The following CFAP263 variants were observed in gnomAD, a reference collection of about 807,000 sequenced individuals.
CFAP263 encodes the protein cilia- and flagella-associated protein 263.
the CFAP263 span, among the ~76,000 whole-genome samples, chr16:58,260,993 A>G: frequency 6.6e-6 from 1 of 152,172 alleles, no homozygotes; most frequent in Non-Finnish European, 1.5e-5. Flanking sequence ...ATAGAAACAC[A>G]GTGCCCAGAC....
the CFAP263 span, chr16:58,283,327 A>G: frequency 2.0e-5 from 3 of 152,236 alleles, no homozygotes; most frequent in Non-Finnish European, 4.4e-5. Flanking sequence ...TGCAAGCATA[A>G]TTCTGTTCAA....
At chr16:58,279,580 G>A in the CFAP263 span, 3 of 857,578 alleles carry the variant, frequency 3.5e-6, no homozygotes, top group Admixed American at 2.6e-5. Flanking sequence ...GCACCATCAC[G>A]GGGCTGGATG....
the CFAP263 span, chr16:58,250,254 C>T: frequency 3.5e-6 from 2 of 565,112 alleles, no homozygotes; most frequent in African/African-American, 2.0e-5. Flanking sequence ...TTACTCCTTA[C>T]TCCACCACCA....
chr16:58,280,197 C>T, the CFAP263 span: 1,459 of 1,580,038 alleles, frequency 9.2e-4, 13 homozygotes, highest in African/African-American at 0.017. Flanking sequence ...TCAGTTTACT[C>T]TTCAGTTTGG....
chr16:58,278,640 G>A, the CFAP263 span: 1 of 1,613,828 alleles, frequency 6.2e-7, no homozygotes, highest in East Asian at 2.2e-5. Context: ...TAGCAGAGGT[G>A]AGCCACGGGG....
At chr16:58,279,901 G>A in the CFAP263 span, 2 of 788,304 alleles carry the variant, frequency 2.5e-6, no homozygotes, top group South Asian at 1.8e-5. Context: ...CACCCAGGCT[G>A]CGTATCATCT....
chr16:58,250,625 C>G, the CFAP263 span, among the ~76,000 whole-genome samples: 2 of 151,934 alleles, frequency 1.3e-5, no homozygotes, highest in African/African-American at 4.8e-5. Context: ...ATTAGCCAGG[C>G]GTGGTGGCGC....
the CFAP263 span, among the ~76,000 whole-genome samples, chr16:58,270,622 C>A: frequency 6.6e-6 from 1 of 151,978 alleles, no homozygotes; most frequent in African/African-American, 2.4e-5. Flanking sequence ...GATACAAGTC[C>A]AGTTTATCCA....
At chr16:58,278,978 AT>A in the CFAP263 span, among the ~76,000 whole-genome samples, 55 of 149,600 alleles carry the variant, frequency 3.7e-4, no homozygotes, top group Middle Eastern at 3.5e-3. Flanking sequence ...GGAGAAGTCC[AT>A]TTTTTTTTTA....
At chr16:58,267,842 A>G in the CFAP263 span, among the ~76,000 whole-genome samples, 2 of 152,182 alleles carry the variant, frequency 1.3e-5, no homozygotes, top group Non-Finnish European at 2.9e-5. Flanking sequence ...AGTCCAAATA[A>G]CATTTGGGAA....
At chr16:58,280,556 A>G in the CFAP263 span, 7 of 1,614,170 alleles carry the variant, frequency 4.3e-6, no homozygotes, top group Non-Finnish European at 5.9e-6. Context: ...TGGGAGAAAG[A>G]AATCAACTTT....
the CFAP263 span, among the ~76,000 whole-genome samples, chr16:58,251,643 C>T: frequency 2.0e-5 from 3 of 152,186 alleles, no homozygotes; most frequent in Non-Finnish European, 4.4e-5. Flanking sequence ...CCACCTGCCT[C>T]GGCTTCCCAA....
the CFAP263 span, chr16:58,278,531 C>A: frequency 6.2e-7 from 1 of 1,614,148 alleles, no homozygotes; most frequent in South Asian, 1.1e-5. Context: ...AAGCAGCTGG[C>A]CGAGTTCCGG....
chr16:58,268,062 A>ATAGAGAAT, the CFAP263 span, among the ~76,000 whole-genome samples: 1 of 150,838 alleles, frequency 6.6e-6, no homozygotes, highest in African/African-American at 2.4e-5. Context: ...AGAGAGAGAG[A>ATAGAGAAT]GGTCATAACC....
the CFAP263 span, among the ~76,000 whole-genome samples, chr16:58,253,298 T>C: frequency 6.6e-6 from 1 of 152,046 alleles, no homozygotes; most frequent in Non-Finnish European, 1.5e-5. Context: ...GGAGGATTGC[T>C]TGAGCCCAGG....
At chr16:58,272,305 C>T in the CFAP263 span, among the ~76,000 whole-genome samples, 7 of 152,082 alleles carry the variant, frequency 4.6e-5, no homozygotes, top group East Asian at 3.9e-4. Context: ...CGTGAGCCAC[C>T]GCACCCGGCC....
chr16:58,249,963 C>A, the CFAP263 span: 1 of 1,258,464 alleles, frequency 7.9e-7, no homozygotes, highest in Non-Finnish European at 1.1e-6. Flanking sequence ...TGGCCGCCGG[C>A]ACCCGGAGCT....
the CFAP263 span, among the ~76,000 whole-genome samples, chr16:58,266,418 T>A: frequency 6.3e-4 from 85 of 134,858 alleles, no homozygotes; most frequent in Non-Finnish European, 9.7e-4. Flanking sequence ...TTTTTTTTTT[T>A]TTTTTTTTTT....
chr16:58,270,391 C>G, the CFAP263 span, among the ~76,000 whole-genome samples: 429 of 151,814 alleles, frequency 2.8e-3, 3 homozygotes, highest in African/African-American at 9.9e-3. Context: ...GAACACTGTA[C>G]TGAAAGTGAA....
Sources: gnomAD v4.1 joint callset for allele counts (sites outside exome capture counted in the v4.1 genomes callset) on GRCh38, gnomAD v4.1.1 for gene constraint, MANE v1.5 for transcripts, NCBI Gene and HGNC (gene_info 2026-07-23, HGNC 2026-07-21) for gene names.